The following SRRM2 variants were observed in gnomAD, a reference collection of about 807,000 sequenced individuals.
The protein encoded by SRRM2 is serine/arginine repetitive matrix protein 2.
In SRRM2, 30 loss-of-function variants were observed where a neutral mutation model predicts 213.8. The observed-to-expected ratio is 0.14, with a 90% confidence interval of 0.10 to 0.19. The LOEUF (loss-of-function observed/expected upper bound fraction) is 0.19, where lower values mean the gene tolerates loss of function less well. SRRM2 is among the 10% of genes least tolerant of loss of function. The pLI is 1.00. For missense variants in SRRM2, 4,904 were observed against 3,647.0 expected (o/e 1.34, Z -8.88); for synonymous variants, 2,025 against 1,377.7 (o/e 1.47, Z -10.40).
rs2068742640 is a variant in SRRM2, at chr16:2,771,378, C to G, written c.*511C>G. The G allele has an allele frequency of 1.9e-6, 3 of 1,606,476 alleles. No individual in the cohort carries two copies. Among genetic ancestry groups the G allele is most frequent in the Non-Finnish European group, 2.6e-6 (3 of 1,173,732 alleles). ...TTTAAAATCTGTACAGCAAGAGCAA[C>G]TTTTTCTGTCAAATAAAAATGAGAA... On this transcript the variant is annotated 3_prime_UTR_variant, in exon 15 of 15. Transcript: ENST00000301740.
rs530938090 is a variant in SRRM2, at chr16:2,754,037, C to G, written c.-32+1191C>G. The stretch of plus-strand genomic sequence containing the variant: ...AAGGGTGTTTTTGTCTTCCTTTGTA[C>G]TTTTTACTTTCTGCTTTTAACTTGG... On this transcript the variant is annotated intron_variant, in intron 1 of 14. Transcript: ENST00000301740. Among the ~76,000 whole-genome samples, 7 of 152,264 alleles carry G rather than the reference C, an allele frequency of 4.6e-5. No homozygotes were observed. The South Asian group carries it at 1.2e-3, about 27-fold the overall frequency.
chr16:2,755,917 G>GT (rs1459009324), intron 1 of SRRM2, among the ~76,000 whole-genome samples: 26 of 152,292 alleles, frequency 1.7e-4, no homozygotes, highest in Admixed American at 3.3e-4. Flanking sequence ...GCTTTGGTTG[G>GT]TTACCAGAGG....
In SRRM2 at chr16:2,762,670, C is replaced by G. The variant is rs750260280; in HGVS notation, c.2142C>G (p.His714Gln). The G allele has an allele frequency of 3.7e-6, 6 of 1,614,176 alleles. No homozygotes were observed. The highest frequency in any genetic ancestry group is 5.1e-6 in the Non-Finnish European group (6 of 1,180,030). Reference sequence around the variant, plus strand: ...GCTTAGTTAGACGTGGAAGATCTCACTCTAGAACACCTCAAAGAAGAGGCA... The same window carrying G: ...GCTTAGTTAGACGTGGAAGATCTCAGTCTAGAACACCTCAAAGAAGAGGCA... ...SRSLVRRGRS[H>Q]SRTPQRRGRS... The change falls in exon 11 of 15, where the codon CAC becomes CAG. Residue 714 changes from histidine to glutamine, a missense_variant. By Grantham distance (24) the His-to-Gln change is conservative. Coordinates refer to ENST00000301740, the MANE Select transcript of SRRM2 (RefSeq NM_016333.4).
rs761990152 is a variant in SRRM2, at chr16:2,760,439, G to C, written c.972G>C (p.Pro324=). ...CCAGCACACAACGGCCTAGTAGCCC[G>C]GAGACTGCTACGAAACAGCCTAGCA... ...GTTSTQRPSS[P]ETATKQPSSP... Residue 324 remains proline, a synonymous_variant, in exon 10 of 15, where the codon CCG becomes CCC. Transcript: ENST00000301740. 6.8e-6 allele frequency: 11 copies of C among 1,613,978 alleles called. No homozygotes were observed. The highest frequency in any genetic ancestry group is 5.3e-5 in the African/African-American group (4 of 74,864).
At chr16:2,768,807 T>TG (rs764910835) in intron 11 of SRRM2, 190 bp from the exon 12 acceptor site, 17 of 1,141,982 alleles carry the variant, frequency 1.5e-5, no homozygotes, top group Non-Finnish European at 2.2e-5. Flanking sequence ...CCCAGCCTGT[T>TG]GCTTCTGTTA....
intron 1 of SRRM2, among the ~76,000 whole-genome samples, chr16:2,755,369 A>C (rs755914674): frequency 6.6e-6 from 1 of 152,184 alleles, no homozygotes; most frequent in Non-Finnish European, 1.5e-5. Flanking sequence ...GGGAAAGCCA[A>C]CGGTTGGACA....
chr16:2,768,291 A>G (rs1466939914), intron 11 of SRRM2, 30 bp downstream of exon 11: 1 of 1,411,392 alleles, frequency 7.1e-7, no homozygotes, highest in South Asian at 1.3e-5. Flanking sequence ...AGAAATCTTC[A>G]GTGGGGGAGG....
In SRRM2 at chr16:2,766,891, C is replaced by T; in HGVS notation, c.6363C>T (p.Ser2121=). The part of the protein sequence containing the change: ...SSRMSCFSRP[S]MSPTPLDRCR... ...GAATGAGCTGCTTCAGTCGTCCTAGCATGTCCCCAACACCTCTTGATCGCT... is the reference window on the plus strand; with the variant it reads ...GAATGAGCTGCTTCAGTCGTCCTAGTATGTCCCCAACACCTCTTGATCGCT... Residue 2121 remains serine (S), a synonymous_variant, in exon 11 of 15, where the codon AGC becomes AGT. Transcript: ENST00000301740. The surrounding 1 kb of genome is among the most constrained non-coding windows in gnomAD (Gnocchi z 7.0). The T allele has an allele frequency of 1.2e-6, 2 of 1,614,168 alleles. No homozygotes were observed. The highest frequency in any genetic ancestry group is 2.2e-5 in the South Asian group (2 of 91,086).
chr16:2,764,833 A>G lies in SRRM2; in HGVS notation c.4305A>G (p.Pro1435=). The change falls in exon 11 of 15, where the codon CCA becomes CCG. Residue 1435 remains proline, a synonymous_variant. Coordinates refer to ENST00000301740, the MANE Select transcript of SRRM2 (RefSeq NM_016333.4). ...PEMKDGLPRT[P]SRRSRSGSSP... Reference sequence around the variant, plus strand: ...TGAAAGATGGTTTACCCAGAACTCCATCAAGGAGAAGCAGGTCTGGGTCTT... The same window carrying G: ...TGAAAGATGGTTTACCCAGAACTCCGTCAAGGAGAAGCAGGTCTGGGTCTT... 1 of 1,614,234 alleles carries G rather than the reference A, an allele frequency of 6.2e-7. No homozygotes were observed. Among genetic ancestry groups the G allele is most frequent in the Non-Finnish European group, 8.5e-7 (1 of 1,180,040 alleles).
In SRRM2 at chr16:2,766,594, A is replaced by C; in HGVS notation, c.6066A>C (p.Thr2022=). Residue 2022 remains threonine, a synonymous_variant, in exon 11 of 15, where the codon ACA becomes ACC. Transcript: ENST00000301740. This position sits in a 1 kb window ranked among gnomAD's most constrained non-coding sequence, Gnocchi z 7.0. ...PVTRRRSRSR[T]PPAIRRRSRS... ...CACGCCGCCGCTCTAGGTCCCGGAC[A>C]CCTCCAGCTATTCGGCGCCGCTCTA... 1.2e-6 allele frequency: 2 copies of C among 1,613,368 alleles called. No individual in the cohort carries two copies. The highest frequency in any genetic ancestry group is 1.7e-6 in the Non-Finnish European group (2 of 1,179,748).
chr16:2,764,503 C>G lies in SRRM2; in HGVS notation c.3975C>G (p.Asn1325Lys), dbSNP rs777290533. The G allele has an allele frequency of 1.2e-6, 2 of 1,614,166 alleles. No individual in the cohort carries two copies. Among genetic ancestry groups the G allele is most frequent in the Admixed American group, 3.3e-5 (2 of 60,024 alleles). The change falls in exon 11 of 15, where the codon AAC becomes AAG. Residue 1325 changes from asparagine to lysine, a missense_variant. Coordinates refer to ENST00000301740, the MANE Select transcript of SRRM2 (RefSeq NM_016333.4). Reference protein sequence around the residue: ...KELSNSPLRENSFGSPLEFRN... With the variant: ...KELSNSPLREKSFGSPLEFRN... ...TGTCTAACTCCCCACTCAGGGAGAA[C>G]AGCTTTGGATCACCTTTAGAATTTA... is the stretch of plus-strand genomic sequence containing the variant.
intron 2 of SRRM2, among the ~76,000 whole-genome samples, 188 bp downstream of exon 2, chr16:2,756,794 T>A (rs770216092): frequency 2.0e-5 from 3 of 151,898 alleles, no homozygotes; most frequent in Non-Finnish European, 4.4e-5. Context: ...ATGAGAAGGC[T>A]GTGTGTCTGG....
At position 2,763,589 on chromosome 16, in the gene SRRM2, T is replaced by G. The variant is rs776534319; in HGVS notation, c.3061T>G (p.Ser1021Ala). The change falls in exon 11 of 15, where the codon TCT becomes GCT. Residue 1021 changes from serine (S) to alanine (A), a missense_variant. Physicochemically the swap from Ser to Ala is moderately conservative, Grantham distance 99. Coordinates refer to ENST00000301740, the MANE Select transcript of SRRM2 (RefSeq NM_016333.4). ...AAAGTCACCATGTCCCCAAGAGAAG[T>G]CTAAAGACTCACTAGTTCAAAGTTG... ...GSKSPCPQEK[S>A]KDSLVQSCPG... 1 of 1,614,108 alleles carries G rather than the reference T, an allele frequency of 6.2e-7. No individual in the cohort carries two copies.
chr16:2,753,033 T>TTC (rs2067986836), intron 1 of SRRM2, among the ~76,000 whole-genome samples, 187 bp downstream of exon 1: 1 of 49,292 alleles, frequency 2.0e-5, no homozygotes. Flanking sequence ...GCGCGCGGGC[T>TTC]TCACCCCCCC....
In SRRM2 at chr16:2,756,388, G is replaced by C. The variant is rs373086804; in HGVS notation, c.24G>C (p.Pro8=). MYNGIGL[P]TPRGSGTNGY... is the part of the protein sequence containing the mutation. ...CCATGTACAACGGGATCGGGCTGCCGACGCCCCGGGGCAGCGGCACCAACG... is the reference window on the plus strand; with the variant it reads ...CCATGTACAACGGGATCGGGCTGCCCACGCCCCGGGGCAGCGGCACCAACG... The change falls in exon 2 of 15, where the codon CCG becomes CCC. Residue 8 remains proline (P), a synonymous_variant. Coordinates refer to ENST00000301740, the MANE Select transcript of SRRM2 (RefSeq NM_016333.4). 6.2e-7 allele frequency: 1 copy of C among 1,607,594 alleles called. No homozygotes were observed. Among genetic ancestry groups the C allele is most frequent in the African/African-American group, 1.3e-5 (1 of 74,940 alleles).
intron 11 of SRRM2, 142 bp from the exon 12 acceptor site, chr16:2,768,855 G>T: frequency 6.6e-7 from 1 of 1,522,412 alleles, no homozygotes; most frequent in Non-Finnish European, 8.9e-7. Context: ...GCTCTCCAGA[G>T]AATTGCTGGC....
Position 2,763,101 on chromosome 16 carries a change from C to T in SRRM2, c.2573C>T (p.Pro858Leu), listed in dbSNP as rs1205354154. The T allele has an allele frequency of 6.2e-7, 1 of 1,614,164 alleles. No individual in the cohort carries two copies. Among genetic ancestry groups the T allele is most frequent in the Non-Finnish European group, 8.5e-7 (1 of 1,180,022 alleles). The change falls in exon 11 of 15, where the codon CCC becomes CTC. Residue 858 changes from proline to leucine, a missense_variant. Coordinates refer to ENST00000301740, the MANE Select transcript of SRRM2 (RefSeq NM_016333.4). ...TPPRQGSITS[P>L]QANEQSVTPQ... ...CCGAGGCAAGGGTCCATAACAAGTC[C>T]CCAGGCCAATGAGCAATCTGTAACG...
rs1248160008 is a variant in SRRM2, at chr16:2,764,660, T to G, written c.4132T>G (p.Ser1378Ala). 1 of 1,614,086 alleles carries G rather than the reference T, an allele frequency of 6.2e-7. No homozygotes were observed. The highest frequency in any genetic ancestry group is 1.7e-5 in the Admixed American group (1 of 60,026). ...AGACATGAAAGAACAATCGACAAGATCCTCTGGACACAGCAGTTCTGAGTT... is the reference window on the plus strand; with the variant it reads ...AGACATGAAAGAACAATCGACAAGAGCCTCTGGACACAGCAGTTCTGAGTT... ...SLDMKEQSTRSSGHSSSELSP... is the reference protein window; with the variant it reads ...SLDMKEQSTRASGHSSSELSP... Residue 1378 changes from serine (S) to alanine (A), a missense_variant, in exon 11 of 15, where the codon TCC becomes GCC. Ser to Ala is a moderately conservative substitution (Grantham distance 99, BLOSUM62 1). Transcript: ENST00000301740.
Position 2,763,638 on chromosome 16 carries a change from C to T in SRRM2, c.3110C>T (p.Ala1037Val), listed in dbSNP as rs147008176. 3.1e-6 allele frequency: 5 copies of T among 1,614,044 alleles called. No individual in the cohort carries two copies. In the African/African-American group the frequency reaches 5.3e-5, roughly 17 times the overall value. The change falls in exon 11 of 15, where the codon GCA becomes GTA. Residue 1037 changes from alanine (A) to valine (V), a missense_variant. Physicochemically the swap from Ala to Val is moderately conservative, Grantham distance 64. Coordinates refer to ENST00000301740, the MANE Select transcript of SRRM2 (RefSeq NM_016333.4). ...TGCCCTGGATCCCTCTCTCTCTGTG[C>T]AGGAGTAAAATCTAGCACACCACCA... ...QSCPGSLSLC[A>V]GVKSSTPPGE...
Sources: allele counts gnomAD v4.1 joint callset (sites outside exome capture counted in the v4.1 genomes callset), GRCh38; gene constraint gnomAD v4.1.1; non-coding constraint Gnocchi (gnomAD v3.1); transcripts MANE v1.5; gene names NCBI Gene and HGNC (gene_info 2026-07-23, HGNC 2026-07-21).